Variants in RAPGEF1 observed in about 807,000 individuals in gnomAD.
RAPGEF1 encodes the protein Rap guanine nucleotide exchange factor 1.
In RAPGEF1, 33 loss-of-function variants were observed where a neutral mutation model predicts 143.3. The observed-to-expected ratio is 0.23, with a 90% CI of 0.17 to 0.31. RAPGEF1 has a LOEUF of 0.31. Among genes scored for constraint, RAPGEF1 ranks in the 10% least tolerant of loss-of-function variants. The pLI is 1.00. For synonymous variants in RAPGEF1, 629 were observed against 676.5 expected (o/e 0.93, Z 1.09); for missense variants, 1,199 against 1,645.4 (o/e 0.73, Z 4.69).
At chr9:131,609,975 T>C (rs1428237219) in intron 12 of RAPGEF1, among the ~76,000 whole-genome samples, 4 of 152,322 alleles carry the variant, frequency 2.6e-5, no homozygotes, top group Admixed American at 6.5e-5. Context: ...TGGCTCACTG[T>C]AGCCTCAACC....
At chr9:131,709,731 G>A (rs377753762) in intron 1 of RAPGEF1, 119 of 1,612,700 alleles carry the variant, frequency 7.4e-5, no homozygotes, top group Middle Eastern at 1.7e-4. Flanking sequence ...GCGTCTTTCC[G>A]GAGCAGCAAC....
intron 4 of RAPGEF1, among the ~76,000 whole-genome samples, chr9:131,639,467 T>TGTGTGTGA (rs1233904740): frequency 4.2e-5 from 6 of 143,236 alleles, no homozygotes; most frequent in African/African-American, 1.5e-4. Context: ...TGTGTGTGTG[T>TGTGTGTGA]GAGAGAGAGA....
rs868490169 is a variant in RAPGEF1, at chr9:131,739,689, C to T, written c.61+81G>A. ...CGCACGGAGGGCCGCACATCCCGGGCGACCCGCGCTCGGCCCGGGGAGCGG... is the reference window on the plus strand; with the variant it reads ...CGCACGGAGGGCCGCACATCCCGGGTGACCCGCGCTCGGCCCGGGGAGCGG... On this transcript the variant is annotated intron_variant, in intron 1 of 26. Coordinates refer to ENST00000683357, the MANE Select transcript of RAPGEF1 (RefSeq NM_001377935.1). 6.6e-4 allele frequency: 652 copies of T among 985,480 alleles called. 7 individuals carry two copies. The African/African-American group carries it at 0.011, about 16-fold the overall frequency. 61.0% of individuals were successfully genotyped at this position (985,480 alleles called of 1,614,324 possible). A position where few individuals can be genotyped will look rare whatever the true frequency, so the allele number is the denominator to read the frequency against.
At chr9:131,654,949 G>C (rs1354007604) in intron 1 of RAPGEF1, among the ~76,000 whole-genome samples, 1 of 152,150 alleles carries the variant, frequency 6.6e-6, no homozygotes, top group African/African-American at 2.4e-5. Flanking sequence ...AATACCTGTA[G>C]TTTTAAAAAT....
Position 131,650,866 on chromosome 9 carries a change from T to C in RAPGEF1, c.145A>G (p.Lys49Glu), listed in dbSNP as rs762821919. The C allele has an allele frequency of 6.2e-7, 1 of 1,614,036 alleles. No individual in the cohort carries two copies. Among genetic ancestry groups the C allele is most frequent in the Admixed American group, 1.7e-5 (1 of 60,032 alleles). ...HSPKIKRTPSKKGKPAEVSVK... is the reference protein window; with the variant it reads ...HSPKIKRTPSEKGKPAEVSVK... ...GACACCTCAGCTGGTTTTCCCTTCT[T>C]TGATGGCGTTCTCTTGATTTTGGGT... The change falls in exon 2 of 27, where the codon AAG becomes GAG. Residue 49 changes from lysine to glutamate, a missense_variant. This residue lies in a region of RAPGEF1 where 613 missense variants were observed against 710.9 expected (regional missense o/e 0.86). Transcript: ENST00000683357. This position sits in a 1 kb window ranked among gnomAD's most constrained non-coding sequence, Gnocchi z 4.7.
chr9:131,708,368 A>G (rs572366912), intron 1 of RAPGEF1, among the ~76,000 whole-genome samples: 1 of 152,298 alleles, frequency 6.6e-6, no homozygotes, highest in East Asian at 1.9e-4. Flanking sequence ...CTGGGTCAAT[A>G]ACTGTGATAA....
At chr9:131,617,024 T>TTG (rs1469331158) in intron 12 of RAPGEF1, among the ~76,000 whole-genome samples, 1 of 152,214 alleles carries the variant, frequency 6.6e-6, no homozygotes, top group Non-Finnish European at 1.5e-5. Context: ...AGACACAAGA[T>TTG]GTCTTAAGGC....
At chr9:131,709,953 TAAG>T (rs1259550466) in intron 1 of RAPGEF1, 1 of 985,310 alleles carries the variant, frequency 1.0e-6, no homozygotes, top group African/African-American at 1.7e-5. Context: ...TGGTCTATAT[TAAG>T]AAGCTCTTTC....
chr9:131,692,412 G>A (rs539618092), intron 1 of RAPGEF1, among the ~76,000 whole-genome samples: 1 of 152,278 alleles, frequency 6.6e-6, no homozygotes, highest in South Asian at 2.1e-4. Context: ...TTCCTATTTG[G>A]AAACATCTGG....
chr9:131,701,576 T>A (rs925578208), intron 1 of RAPGEF1, among the ~76,000 whole-genome samples: 1 of 152,254 alleles, frequency 6.6e-6, no homozygotes, highest in Non-Finnish European at 1.5e-5. Flanking sequence ...CATTGTTACA[T>A]ATATTATTGC....
Position 131,579,296 on chromosome 9 carries a change from C to T in RAPGEF1, c.*201G>A, listed in dbSNP as rs1564434544. ...CCTGCCTGCTGGCTGCCCTGAGGCC[C>T]ACGGGTCTGCTCCCACAGAGGAAGG... is the stretch of plus-strand genomic sequence containing the variant. On this transcript the variant is annotated 3_prime_UTR_variant, in exon 27 of 27. Coordinates refer to ENST00000683357, the MANE Select transcript of RAPGEF1 (RefSeq NM_001377935.1). The T allele has an allele frequency of 3.0e-6, 2 of 670,292 alleles. No homozygotes were observed. The highest frequency in any genetic ancestry group is 3.6e-5 in the African/African-American group (2 of 55,156). The allele number at this position is 670,292 out of a possible 1,614,324, so 41.5% of individuals were successfully genotyped here. A position where few individuals can be genotyped will look rare whatever the true frequency, so the allele number is the denominator to read the frequency against.
chr9:131,636,991 C>T (rs759207313), intron 5 of RAPGEF1, among the ~76,000 whole-genome samples: 6 of 151,868 alleles, frequency 4.0e-5, no homozygotes, highest in South Asian at 2.1e-4. Flanking sequence ...TTTGGGAGGT[C>T]GAGGCGGGCA....
Position 131,629,968 on chromosome 9 carries a change from C to T in RAPGEF1, c.740+268G>A, listed in dbSNP as rs573563597. ...TTAAAAGTTCTTTGTCATTATGAAA[C>T]GAAGCTGCCCAGGAAAAGCACTGGT... On this transcript the variant is annotated intron_variant, in intron 6 of 26. Transcript: ENST00000683357. Among the ~76,000 whole-genome samples the T allele has an allele frequency of 1.1e-4, 17 of 152,100 alleles. No individual in the cohort carries two copies. In the Middle Eastern group the frequency reaches 0.014, roughly 122 times the overall value.
intron 5 of RAPGEF1, among the ~76,000 whole-genome samples, chr9:131,633,112 G>A (rs1965395487): frequency 6.6e-6 from 1 of 152,202 alleles, no homozygotes; most frequent in East Asian, 1.9e-4. Context: ...AAATCTCTAA[G>A]AGCCAAGTAC....
intron 18 of RAPGEF1, among the ~76,000 whole-genome samples, chr9:131,591,484 A>G (rs1460240663): frequency 6.6e-6 from 1 of 152,206 alleles, no homozygotes; most frequent in Non-Finnish European, 1.5e-5. Flanking sequence ...GGGTCACACA[A>G]GTGGGTCCTT....
intron 12 of RAPGEF1, among the ~76,000 whole-genome samples, chr9:131,608,732 C>G (rs1957520301): frequency 6.6e-6 from 1 of 152,186 alleles, no homozygotes; most frequent in Non-Finnish European, 1.5e-5. Context: ...TTCTGATCAC[C>G]ATGAAGCCCT....
intron 15 of RAPGEF1, among the ~76,000 whole-genome samples, chr9:131,600,206 C>G (rs924074145): frequency 1.3e-5 from 2 of 152,184 alleles, no homozygotes; most frequent in East Asian, 3.9e-4. Flanking sequence ...TGCTCCACAT[C>G]TCGTCAATGT....
Position 131,626,435 on chromosome 9 carries a change from C to G in RAPGEF1, c.1202-13G>C. On this transcript the variant is annotated splice_polypyrimidine_tract_variant and intron_variant, in intron 9 of 26. Coordinates refer to ENST00000683357, the MANE Select transcript of RAPGEF1 (RefSeq NM_001377935.1). ...GGATCATAGTGGTCTGCAGTTACAA[C>G]AGGGGAAAAAGAGACCCGTTAGCCA... 6.4e-7 allele frequency: 1 copy of G among 1,556,422 alleles called. No individual in the cohort carries two copies. Among genetic ancestry groups the G allele is most frequent in the Non-Finnish European group, 8.7e-7 (1 of 1,148,734 alleles).
At chr9:131,737,567 T>G (rs1837500667) in intron 1 of RAPGEF1, 1 of 1,568,732 alleles carries the variant, frequency 6.4e-7, no homozygotes, top group South Asian at 1.2e-5. Flanking sequence ...TGAAATGAAC[T>G]GGCCTCAGGT....
Sources: allele counts gnomAD v4.1 joint callset (sites outside exome capture counted in the v4.1 genomes callset), GRCh38; gene constraint gnomAD v4.1.1; regional missense constraint gnomAD v4.1.1; non-coding constraint Gnocchi (gnomAD v3.1); transcripts MANE v1.5; gene names NCBI Gene and HGNC (gene_info 2026-07-23, HGNC 2026-07-21).